Variants in GUCY2F observed in about 807,000 individuals in gnomAD.
GUCY2F encodes the protein retinal guanylyl cyclase 2.
Under a neutral mutation model 73.1 loss-of-function variants are expected in GUCY2F, and 61 were observed. That is an observed-to-expected ratio of 0.83 (90% CI 0.68 to 1.03). The LOEUF (loss-of-function observed/expected upper bound fraction) is 1.03. Among genes scored for constraint, GUCY2F ranks in the 50% least tolerant of loss-of-function variants. The probability of loss-of-function intolerance (pLI) is 0.00; values close to 1 mark genes in which losing one functional copy is unlikely to be tolerated. For missense variants in GUCY2F, 912 were observed against 854.3 expected (o/e 1.07, Z -0.84); for synonymous variants, 331 against 307.8 (o/e 1.08, Z -0.79).
At chrX:109,383,871 G>C (rs1185052028) in intron 16 of GUCY2F, among the ~76,000 whole-genome samples, 4 of 112,343 alleles carry the variant, frequency 3.6e-5, no homozygotes, top group African/African-American at 1.3e-4. Context: ...CCTTCTACAA[G>C]CTTACATCAG....
At chrX:109,411,886 A>G (rs1569361577) in intron 8 of GUCY2F, among the ~76,000 whole-genome samples, 1 of 112,137 alleles carries the variant, frequency 8.9e-6, no homozygotes, top group African/African-American at 3.2e-5. Flanking sequence ...AAAAGGAAGA[A>G]CAGCCTGCAA....
At chrX:109,476,384 G>A (rs1339592427) in intron 1 of GUCY2F, among the ~76,000 whole-genome samples, 1 of 112,189 alleles carries the variant, frequency 8.9e-6, no homozygotes, top group African/African-American at 3.2e-5. Flanking sequence ...ACAGAGCCTG[G>A]CAAGTCATTG....
At chrX:109,381,357 G>T (rs1208561062) in intron 17 of GUCY2F, among the ~76,000 whole-genome samples, 1 of 111,630 alleles carries the variant, frequency 9.0e-6, no homozygotes, top group African/African-American at 3.3e-5. Flanking sequence ...TCTGCTATCA[G>T]TTGACTGTGT....
intron 5 of GUCY2F, among the ~76,000 whole-genome samples, chrX:109,448,687 G>A (rs183418627): frequency 1.7e-4 from 19 of 112,218 alleles, no homozygotes; most frequent in African/African-American, 5.2e-4. Context: ...TTACTCCCTG[G>A]CTGTGGGCCC....
chrX:109,456,601 C>T (rs952415005), intron 3 of GUCY2F, among the ~76,000 whole-genome samples: 7 of 111,767 alleles, frequency 6.3e-5, no homozygotes, highest in South Asian at 3.8e-4. Context: ...CTCCCCAAGA[C>T]GACTGAAACC....
chrX:109,397,521 T>G, intron 11 of GUCY2F, among the ~76,000 whole-genome samples: 1 of 112,399 alleles, frequency 8.9e-6, no homozygotes, highest in Non-Finnish European at 1.9e-5. Context: ...ACACCTTCAC[T>G]CAGCTTCCCC....
chrX:109,463,837 C>T (rs1481398371), intron 3 of GUCY2F, among the ~76,000 whole-genome samples: 1 of 111,630 alleles, frequency 9.0e-6, no homozygotes, highest in Non-Finnish European at 1.9e-5. Context: ...GTGGCAGCCA[C>T]CTTGGGACCA....
In GUCY2F at chrX:109,382,108, G is replaced by A. The variant is rs770248166; in HGVS notation, c.3150+10C>T. 9.3e-7 allele frequency: 1 copy of A among 1,074,927 alleles called. No individual in the cohort carries two copies. Among genetic ancestry groups the A allele is most frequent in the African/African-American group, 1.8e-5 (1 of 54,966 alleles). The allele number at this position is 1,074,927 out of a possible 1,213,427, so 88.6% of individuals were successfully genotyped here. On this transcript the variant is annotated intron_variant, in intron 17 of 19. Coordinates refer to ENST00000218006, the MANE Select transcript of GUCY2F (RefSeq NM_001522.3). ...AGTAGTCTGGCTCAAAAAACAAAAA[G>A]ACATTATACCTTGAGCTCTGTTCTT...
intron 2 of GUCY2F, among the ~76,000 whole-genome samples, chrX:109,473,824 T>C (rs185955004): frequency 2.4e-3 from 269 of 112,222 alleles, no homozygotes; most frequent in Non-Finnish European, 3.9e-3. Context: ...GCAGGAGACA[T>C]TGGGCTTCAA....
intron 1 of GUCY2F, 138 bp from the exon 2 acceptor site, chrX:109,476,159 A>C: frequency 3.1e-6 from 1 of 319,948 alleles, no homozygotes; most frequent in Non-Finnish European, 5.4e-6. Context: ...TCCTGACAAA[A>C]CTCCTCCTCT....
intron 7 of GUCY2F, among the ~76,000 whole-genome samples, chrX:109,434,908 C>G (rs753906777): frequency 6.3e-4 from 70 of 110,462 alleles, no homozygotes; most frequent in African/African-American, 1.9e-3. Context: ...GCTTGTTTTT[C>G]TCAGGTTTGT....
At chrX:109,409,972 C>T (rs1215872874) in intron 8 of GUCY2F, among the ~76,000 whole-genome samples, 1 of 111,168 alleles carries the variant, frequency 9.0e-6, no homozygotes, top group Non-Finnish European at 1.9e-5. Flanking sequence ...ATTCTGCAGG[C>T]AACCTGAAGA....
intron 3 of GUCY2F, among the ~76,000 whole-genome samples, chrX:109,463,316 G>A (rs1200005885): frequency 1.8e-5 from 2 of 111,154 alleles, no homozygotes; most frequent in Non-Finnish European, 3.8e-5. Context: ...TTCAATCACA[G>A]TTGTCACATT....
chrX:109,398,448 G>A (rs1162172158), intron 11 of GUCY2F, 101 bp downstream of exon 11: 3 of 748,535 alleles, frequency 4.0e-6, no homozygotes, highest in Admixed American at 2.6e-5. Context: ...CTATCAGGCT[G>A]TTAGCACTAA....
At chrX:109,443,572 C>A (rs763187691) in intron 6 of GUCY2F, among the ~76,000 whole-genome samples, 2 of 111,436 alleles carry the variant, frequency 1.8e-5, no homozygotes, top group African/African-American at 6.5e-5. Context: ...TTTTGTGAGG[C>A]CTGGTATGCT....
intron 8 of GUCY2F, among the ~76,000 whole-genome samples, chrX:109,428,320 T>A (rs1260342372): frequency 8.9e-6 from 1 of 112,055 alleles, no homozygotes; most frequent in African/African-American, 3.2e-5. Context: ...ATCAACATCA[T>A]CCTGATAAAG....
chrX:109,425,554 G>A (rs936552708), intron 8 of GUCY2F, among the ~76,000 whole-genome samples: 1 of 108,961 alleles, frequency 9.2e-6, no homozygotes, highest in Non-Finnish European at 1.9e-5. Flanking sequence ...TTAGGAATGG[G>A]AAACTCAACA....
chrX:109,453,569 A>T lies in GUCY2F; in HGVS notation c.1323T>A (p.Pro441=), dbSNP rs375508716. The T allele has an allele frequency of 6.6e-6, 8 of 1,208,467 alleles. No individual in the cohort carries two copies. The African/African-American group carries it at 1.4e-4, about 21-fold the overall frequency. ...LRFGGTPIHF[P]GGRPPRADAK... ...CATCTGCTCTAGGGGGCCTGCCACC[A>T]GGGAAGTGAATAGGGGTCCCTCCGA... Residue 441 remains proline (P), a synonymous_variant, in exon 4 of 20, where the codon CCT becomes CCA. Transcript: ENST00000218006.
chrX:109,457,800 G>A (rs1447353212), intron 3 of GUCY2F, among the ~76,000 whole-genome samples: 1 of 111,492 alleles, frequency 9.0e-6, no homozygotes, highest in East Asian at 2.8e-4. Flanking sequence ...AGCTTTCTAA[G>A]AAATCCTGAG....
Sources: gnomAD v4.1 joint callset for allele counts (sites outside exome capture counted in the v4.1 genomes callset) on GRCh38, gnomAD v4.1.1 for gene constraint, MANE v1.5 for transcripts, NCBI Gene and HGNC (gene_info 2026-07-23, HGNC 2026-07-21) for gene names.